Variants in ARID4A observed in about 807,000 individuals in gnomAD.
ARID4A encodes the protein AT-rich interactive domain-containing protein 4A.
In ARID4A, 39 loss-of-function variants were observed where a neutral mutation model predicts 148.6. The observed-to-expected ratio is 0.26, with a 90% CI of 0.20 to 0.34. ARID4A has a LOEUF of 0.34. Among genes scored for constraint, ARID4A ranks in the 10% least tolerant of loss-of-function variants. The pLI is 1.00. For synonymous variants in ARID4A, 475 were observed against 481.2 expected (o/e 0.99, Z 0.17); for missense variants, 1,265 against 1,449.1 (o/e 0.87, Z 2.06).
intron 8 of ARID4A, among the ~76,000 whole-genome samples, chr14:58,327,080 A>G (rs1490018838): frequency 6.6e-6 from 1 of 152,236 alleles, no homozygotes; most frequent in Non-Finnish European, 1.5e-5. Flanking sequence ...GATATACACT[A>G]TTCAGTATGA....
chr14:58,303,390 GTCC>G (rs1198647403), intron 3 of ARID4A: 1 of 372,716 alleles, frequency 2.7e-6, no homozygotes, highest in African/African-American at 2.1e-5. Context: ...CACTGTGAAA[GTCC>G]TCCTTGATAC....
chr14:58,315,626 C>A (rs1156306562), intron 5 of ARID4A, among the ~76,000 whole-genome samples: 1 of 152,032 alleles, frequency 6.6e-6, no homozygotes, highest in East Asian at 1.9e-4. Context: ...CTTATACTTA[C>A]AGATACTAAT....
At position 58,318,696 on chromosome 14, in the gene ARID4A, C is replaced by T. The variant is rs368246351; in HGVS notation, c.355-15C>T. 16 of 1,613,264 alleles carry T rather than the reference C, an allele frequency of 9.9e-6. No individual in the cohort carries two copies. Among genetic ancestry groups the T allele is most frequent in the Non-Finnish European group, 1.4e-5 (16 of 1,179,374 alleles). ...AGAGGTAAAACGTAATTTAATTAATCTATTTCTTATACAGACACTTGACCA... is the reference window on the plus strand; with the variant it reads ...AGAGGTAAAACGTAATTTAATTAATTTATTTCTTATACAGACACTTGACCA... On this transcript the variant is annotated splice_polypyrimidine_tract_variant and intron_variant, in intron 6 of 23. Transcript: ENST00000355431.
At chr14:58,354,688 T>TAAAAAAAAAA in intron 17 of ARID4A, among the ~76,000 whole-genome samples, 1 of 123,434 alleles carries the variant, frequency 8.1e-6, no homozygotes, top group Non-Finnish European at 1.7e-5. Context: ...GTCTCATAAA[T>TAAAAAAAAAA]AAAAAAAAAA....
chr14:58,369,725 G>A (rs2035523384), intron 23 of ARID4A, among the ~76,000 whole-genome samples: 1 of 151,980 alleles, frequency 6.6e-6, no homozygotes, highest in South Asian at 2.1e-4. Context: ...ATTTCTCAAT[G>A]GTAGTACTAG....
At chr14:58,319,696 T>C (rs887388180) in intron 7 of ARID4A, among the ~76,000 whole-genome samples, 7 of 149,486 alleles carry the variant, frequency 4.7e-5, no homozygotes, top group African/African-American at 1.5e-4. Context: ...AGACACACCA[T>C]CACGCCTGGC....
At chr14:58,318,649 A>T (rs774596591) in intron 6 of ARID4A, 28 bp downstream of exon 6, 31 of 1,613,530 alleles carry the variant, frequency 1.9e-5, no homozygotes, top group Admixed American at 5.0e-5. Context: ...GACGATTTGG[A>T]TTGAACTACA....
intron 16 of ARID4A, among the ~76,000 whole-genome samples, chr14:58,352,887 A>G (rs933609671): frequency 3.3e-5 from 5 of 152,162 alleles, no homozygotes; most frequent in African/African-American, 1.2e-4. Flanking sequence ...AATCTTCCTT[A>G]TACCTGATTA....
chr14:58,308,015 A>C (rs2031744318), intron 5 of ARID4A, among the ~76,000 whole-genome samples: 1 of 152,206 alleles, frequency 6.6e-6, no homozygotes, highest in Admixed American at 6.5e-5. Context: ...TTGAAGCTTT[A>C]CTGATAAAAT....
At position 58,304,931 on chromosome 14, in the gene ARID4A, A is replaced by C. The variant is rs1386530546; in HGVS notation, c.118-13A>C. Reference sequence around the variant, plus strand: ...AAAGTAATATGCAAATTATTGTGCAAAATGTTTTTCAGGTACTCCTGAAAC... The same window carrying C: ...AAAGTAATATGCAAATTATTGTGCACAATGTTTTTCAGGTACTCCTGAAAC... On this transcript the variant is annotated splice_polypyrimidine_tract_variant and intron_variant, in intron 3 of 23. Coordinates refer to ENST00000355431, the MANE Select transcript of ARID4A (RefSeq NM_002892.4). 31 of 1,602,394 alleles carry C rather than the reference A, an allele frequency of 1.9e-5. No homozygotes were observed. Among genetic ancestry groups the C allele is most frequent in the Non-Finnish European group, 2.5e-5 (29 of 1,175,606 alleles).
chr14:58,326,575 TA>T (rs1477708309), intron 8 of ARID4A, among the ~76,000 whole-genome samples: 1 of 152,222 alleles, frequency 6.6e-6, no homozygotes, highest in Non-Finnish European at 1.5e-5. Flanking sequence ...GAAGGGTCTT[TA>T]AAAGTTCATC....
intron 5 of ARID4A, among the ~76,000 whole-genome samples, chr14:58,312,218 T>A (rs970683147): frequency 1.4e-5 from 2 of 138,002 alleles, no homozygotes; most frequent in African/African-American, 5.5e-5. Context: ...TAATGTTAAA[T>A]TTTTTTTTTT....
chr14:58,364,412 A>C lies in ARID4A; in HGVS notation c.2323A>C (p.Lys775Gln). ...NEQIVQIFGNKMEKTEEVKKE... is the reference protein window; with the variant it reads ...NEQIVQIFGNQMEKTEEVKKE... The stretch of plus-strand genomic sequence containing the variant: ...ACAAATAGTACAGATTTTTGGGAAC[A>C]AAATGGAAAAAACAGAAGAAGTTAA... The change falls in exon 20 of 24, where the codon AAA becomes CAA. Residue 775 changes from lysine to glutamine, a missense_variant. Physicochemically the swap from Lys to Gln is moderately conservative, Grantham distance 53 (BLOSUM62 1). This residue lies in a region of ARID4A where 666 missense variants were observed against 730.9 expected (regional missense o/e 0.91). Transcript: ENST00000355431. 6.2e-7 allele frequency: 1 copy of C among 1,612,278 alleles called. No homozygotes were observed.
At chr14:58,298,785 G>A (rs918431176) in intron 1 of ARID4A, 85 bp downstream of exon 1, 2 of 152,362 alleles carry the variant, frequency 1.3e-5, no homozygotes, top group Non-Finnish European at 2.9e-5. Flanking sequence ...TCCCGGTGCA[G>A]TTGGAAGCTT....
chr14:58,337,390 T>C (rs2033888490), intron 11 of ARID4A, among the ~76,000 whole-genome samples: 1 of 151,566 alleles, frequency 6.6e-6, no homozygotes, highest in African/African-American at 2.4e-5. Context: ...GTTTTTTCCT[T>C]TTCCTACCAG....
chr14:58,324,948 A>G (rs1266975954), intron 8 of ARID4A, among the ~76,000 whole-genome samples: 2 of 152,202 alleles, frequency 1.3e-5, no homozygotes, highest in Non-Finnish European at 2.9e-5. Flanking sequence ...GTTATTAAAG[A>G]TTGTATAGTA....
intron 3 of ARID4A, among the ~76,000 whole-genome samples, chr14:58,303,370 C>T (rs1257799218): frequency 2.0e-5 from 3 of 152,158 alleles, no homozygotes; most frequent in South Asian, 2.1e-4. Context: ...CATCCTGCTG[C>T]GGTATAGAAC....
intron 9 of ARID4A, among the ~76,000 whole-genome samples, chr14:58,329,209 TA>T (rs1196470706): frequency 6.6e-6 from 1 of 152,164 alleles, no homozygotes; most frequent in Admixed American, 6.5e-5. Flanking sequence ...AATAATAAAA[TA>T]GACATTGTTG....
rs201513311 is a variant in ARID4A, at chr14:58,364,610, G to C, written c.2521G>C (p.Ala841Pro). The C allele has an allele frequency of 9.9e-5, 160 of 1,613,596 alleles. No individual in the cohort carries two copies. The highest frequency in any genetic ancestry group is 1.6e-4 in the Middle Eastern group (1 of 6,062). Residue 841 changes from alanine to proline, a missense_variant, in exon 20 of 24, where the codon GCT (alanine) becomes CCT (proline). By Grantham distance (27) the Ala-to-Pro change is conservative. This residue lies in a region of ARID4A where 666 missense variants were observed against 730.9 expected (regional missense o/e 0.91). Coordinates refer to ENST00000355431, the MANE Select transcript of ARID4A (RefSeq NM_002892.4). ...SSLDNKNFSSATEDEIDQCVK... is the reference protein window; with the variant it reads ...SSLDNKNFSSPTEDEIDQCVK... ...ATTAGACAATAAAAACTTTTCTTCT[G>C]CTACAGAAGATGAAATTGACCAATG...
Sources: allele counts gnomAD v4.1 joint callset (sites outside exome capture counted in the v4.1 genomes callset), GRCh38; gene constraint gnomAD v4.1.1; regional missense constraint gnomAD v4.1.1; transcripts MANE v1.5; gene names NCBI Gene and HGNC (gene_info 2026-07-23, HGNC 2026-07-21).